SCFD1: variants seen among roughly 807,000 people sequenced by gnomAD.
SCFD1 encodes the protein sec1 family domain containing 1.
Under a neutral mutation model 103.2 loss-of-function variants are expected in SCFD1, and 37 were observed. The ratio of observed to expected loss-of-function variants is 0.36; its 90% confidence interval spans 0.28 to 0.47. The LOEUF is 0.47. Among genes scored for constraint, SCFD1 ranks in the 20% least tolerant of loss-of-function variants. The pLI is 1.00. For synonymous variants in SCFD1, 264 were observed against 245.0 expected, an observed-to-expected ratio of 1.08 and a Z score of -0.73; for missense variants, 639 against 761.2, an observed-to-expected ratio of 0.84 and a Z score of 1.89.
intron 14 of SCFD1, among the ~76,000 whole-genome samples, chr14:30,682,765 G>A (rs1305754419): frequency 3.3e-5 from 5 of 152,068 alleles, no homozygotes; most frequent in Non-Finnish European, 5.9e-5. Context: ...GAAGAAACAG[G>A]AATGGCTAGA....
At chr14:30,718,777 G>A (rs1372684446) in intron 20 of SCFD1, among the ~76,000 whole-genome samples, 2 of 152,320 alleles carry the variant, frequency 1.3e-5, no homozygotes, top group African/African-American at 4.8e-5. Flanking sequence ...CTGGCTGGTA[G>A]TGGTTTCTTG....
chr14:30,684,015 T>G (rs1889717629), intron 14 of SCFD1, among the ~76,000 whole-genome samples: 1 of 152,138 alleles, frequency 6.6e-6, no homozygotes, highest in Non-Finnish European at 1.5e-5. Context: ...AGAACAGTAG[T>G]GTCTATAGCT....
chr14:30,657,089 C>G (rs1196088132), intron 10 of SCFD1, among the ~76,000 whole-genome samples: 1 of 151,898 alleles, frequency 6.6e-6, no homozygotes, highest in Non-Finnish European at 1.5e-5. Flanking sequence ...TCACGGGTGC[C>G]TCATCACACC....
At chr14:30,669,885 C>A (rs1220529560) in intron 10 of SCFD1, 1 of 170,574 alleles carries the variant, frequency 5.9e-6, no homozygotes, top group Admixed American at 6.5e-5. Context: ...TGTACATATA[C>A]AGATACAGAA....
chr14:30,649,538 T>C lies in SCFD1; in HGVS notation c.624T>C (p.Pro208=), dbSNP rs754007111. 1 of 1,578,648 alleles carries C rather than the reference T, an allele frequency of 6.3e-7. No homozygotes were observed. The highest frequency in any genetic ancestry group is 8.6e-7 in the Non-Finnish European group (1 of 1,168,124). Residue 208 remains proline, a synonymous_variant, in exon 8 of 25, where the codon CCT becomes CCC. Coordinates refer to ENST00000458591, the MANE Select transcript of SCFD1 (RefSeq NM_016106.4). Reference sequence around the variant, plus strand: ...TTATTGTTAAAATAGGTGCTGTTCCTATAATCAGATGTTCAAGAGGAACAG... The same window carrying C: ...TTATTGTTAAAATAGGTGCTGTTCCCATAATCAGATGTTCAAGAGGAACAG... ...FCFFVTLGAV[P]IIRCSRGTAA... is the part of the protein sequence containing the mutation.
chr14:30,638,552 GTTGTA>G (rs1341827798), intron 5 of SCFD1, among the ~76,000 whole-genome samples: 2 of 152,110 alleles, frequency 1.3e-5, no homozygotes, highest in Non-Finnish European at 2.9e-5. Flanking sequence ...TCATTTGACA[GTTGTA>G]TTGTCATAAA....
chr14:30,627,745 GAAAAAAAAAAAA>G (rs11312585), intron 1 of SCFD1, among the ~76,000 whole-genome samples: 2 of 79,474 alleles, frequency 2.5e-5, no homozygotes, highest in African/African-American at 4.7e-5. Flanking sequence ...CTCTGTCTCA[GAAAAAAAAAAAA>G]AAAAAAAAAA....
intron 11 of SCFD1, 30 bp downstream of exon 11, chr14:30,670,425 C>T (rs1190160208): frequency 4.1e-6 from 6 of 1,453,660 alleles, no homozygotes; most frequent in Non-Finnish European, 5.6e-6. Flanking sequence ...GTAAAAGATT[C>T]ATTTTTTTAA....
intron 22 of SCFD1, 28 bp from the exon 23 acceptor site, chr14:30,722,466 T>TC (rs768017159): frequency 9.0e-6 from 14 of 1,548,468 alleles, no homozygotes; most frequent in Non-Finnish European, 1.8e-6. Flanking sequence ...AACTGTGTTT[T>TC]TTTTTTTTTA....
At chr14:30,715,626 G>GTA (rs1431424156) in intron 19 of SCFD1, 34 of 199,858 alleles carry the variant, frequency 1.7e-4, no homozygotes, top group African/African-American at 7.3e-4. Flanking sequence ...GCAGTTACTA[G>GTA]TATTAAAAGC....
At chr14:30,729,830 G>C (rs534243857) in intron 23 of SCFD1, among the ~76,000 whole-genome samples, 1 of 151,462 alleles carries the variant, frequency 6.6e-6, no homozygotes, top group Non-Finnish European at 1.5e-5. Context: ...ATAATATTTT[G>C]TAGTCTTCAG....
intron 4 of SCFD1, among the ~76,000 whole-genome samples, chr14:30,634,447 A>T (rs974253539): frequency 2.6e-5 from 4 of 152,186 alleles, no homozygotes; most frequent in Non-Finnish European, 4.4e-5. Flanking sequence ...CAATTTATAA[A>T]TTATAAATTA....
Position 30,628,214 on chromosome 14 carries a change from T to C in SCFD1, c.67T>C (p.Leu23=). The C allele has an allele frequency of 6.2e-7, 1 of 1,608,978 alleles. No homozygotes were observed. The highest frequency in any genetic ancestry group is 1.3e-5 in the African/African-American group (1 of 74,894). ...ASIRERQTVA[L]KRMLNFNVPH... is the part of the protein sequence containing the mutation. Reference sequence around the variant, plus strand: ...ATAAAACTTTTTATTTTCAGTGGCTTTGAAGCGTATGTTGAATTTCAATGT... The same window carrying C: ...ATAAAACTTTTTATTTTCAGTGGCTCTGAAGCGTATGTTGAATTTCAATGT... The change falls in exon 2 of 25, where the codon TTG becomes CTG. Residue 23 remains leucine (L), a synonymous_variant. Coordinates refer to ENST00000458591, the MANE Select transcript of SCFD1 (RefSeq NM_016106.4).
chr14:30,642,698 T>C (rs1295528328), intron 6 of SCFD1, among the ~76,000 whole-genome samples: 1 of 152,224 alleles, frequency 6.6e-6, no homozygotes, highest in African/African-American at 2.4e-5. Flanking sequence ...TGTTTATGAA[T>C]AAAACTATGG....
chr14:30,652,065 C>T (rs1886443029), intron 9 of SCFD1, among the ~76,000 whole-genome samples: 1 of 152,166 alleles, frequency 6.6e-6, no homozygotes, highest in Non-Finnish European at 1.5e-5. Context: ...TTCCATCTAG[C>T]TCTGGTAAAT....
At chr14:30,661,007 C>T (rs1018256665) in intron 10 of SCFD1, among the ~76,000 whole-genome samples, 4 of 152,134 alleles carry the variant, frequency 2.6e-5, no homozygotes, top group African/African-American at 7.2e-5. Flanking sequence ...ATACCACAGT[C>T]TGGGCTATTA....
At chr14:30,709,265 T>C (rs1203821354) in intron 19 of SCFD1, among the ~76,000 whole-genome samples, 1 of 152,228 alleles carries the variant, frequency 6.6e-6, no homozygotes, top group Non-Finnish European at 1.5e-5. Flanking sequence ...TTTATATACT[T>C]AATCTTTATT....
At chr14:30,662,934 A>C (rs1312259853) in intron 10 of SCFD1, among the ~76,000 whole-genome samples, 1 of 152,190 alleles carries the variant, frequency 6.6e-6, no homozygotes, top group Non-Finnish European at 1.5e-5. Context: ...TGTGACTGTC[A>C]ATGGAAACAG....
intron 23 of SCFD1, among the ~76,000 whole-genome samples, chr14:30,728,805 CTT>C (rs539908186): frequency 9.4e-4 from 138 of 147,226 alleles, no homozygotes; most frequent in Middle Eastern, 3.6e-3. Context: ...ATTTGTATAT[CTT>C]TGGAGAAATG....
Sources: allele counts gnomAD v4.1 joint callset (sites outside exome capture counted in the v4.1 genomes callset), GRCh38; gene constraint gnomAD v4.1.1; transcripts MANE v1.5; gene names NCBI Gene and HGNC (gene_info 2026-07-23, HGNC 2026-07-21).